The following CISTR variants were observed in gnomAD, a reference collection of about 807,000 sequenced individuals.
CISTR encodes the protein chondrogenesis-associated transcript, also known as chondrogenic regulator lncRNA.
At chr12:53,753,479 G>A (rs987064913) in intron 1 of CISTR, among the ~76,000 whole-genome samples, 14 of 152,210 alleles carry the variant, frequency 9.2e-5, no homozygotes, top group Non-Finnish European at 2.1e-4. Flanking sequence ...AAGGGTGGAG[G>A]AAGATCTGAA....
rs906354692 is a variant in CISTR, at chr12:53,751,545, A to T, written n.415-580T>A. On this transcript the variant is annotated intron_variant and non_coding_transcript_variant, in intron 1 of 2. Coordinates refer to ENST00000669269, the Ensembl canonical transcript of CISTR. The surrounding 1 kb of genome is among the most constrained non-coding windows in gnomAD (Gnocchi z 4.6). ...AAACAAGCTAAACGAGGCGCGCAGGACTCCCTGGTGGGCCCTCAGCCTCCT... is the reference window on the plus strand; with the variant it reads ...AAACAAGCTAAACGAGGCGCGCAGGTCTCCCTGGTGGGCCCTCAGCCTCCT... 5.9e-5 allele frequency among the ~76,000 whole-genome samples: 9 copies of T among 151,822 alleles called. No individual in the cohort carries two copies. The highest frequency in any genetic ancestry group is 8.8e-5 in the Non-Finnish European group (6 of 67,962).
chr12:53,747,482 G>A (rs563847092), intron 2 of CISTR, among the ~76,000 whole-genome samples: 1 of 152,240 alleles, frequency 6.6e-6, no homozygotes, highest in Admixed American at 6.5e-5. Flanking sequence ...AAGAGGAAGA[G>A]GAAGGGGCAG....
intron 1 of CISTR, among the ~76,000 whole-genome samples, chr12:53,753,978 G>A (rs114262702): frequency 2.6e-5 from 4 of 152,112 alleles, no homozygotes; most frequent in Admixed American, 6.5e-5. Flanking sequence ...CTCGTGGGGC[G>A]TGAAGATGAA....
intron 2 of CISTR, among the ~76,000 whole-genome samples, chr12:53,749,681 G>C (rs768953744): frequency 6.6e-6 from 1 of 152,092 alleles, no homozygotes; most frequent in Non-Finnish European, 1.5e-5. Flanking sequence ...ATTTCTCTTT[G>C]GGGATCACCT....
intron 2 of CISTR, among the ~76,000 whole-genome samples, chr12:53,748,077 G>C (rs1937802901): frequency 6.6e-6 from 1 of 152,224 alleles, no homozygotes; most frequent in Non-Finnish European, 1.5e-5. Context: ...GGAGGAACTG[G>C]GTTGGGGGCA....
chr12:53,748,301 C>A (rs949168738), intron 2 of CISTR, among the ~76,000 whole-genome samples: 3 of 152,198 alleles, frequency 2.0e-5, no homozygotes, highest in African/African-American at 4.8e-5. Context: ...GCGCCAGCGC[C>A]CCCCCAACTC....
chr12:53,752,858 C>A (rs1937871090), intron 1 of CISTR, among the ~76,000 whole-genome samples: 1 of 152,174 alleles, frequency 6.6e-6, no homozygotes, highest in Non-Finnish European at 1.5e-5. Flanking sequence ...AAATTAAAAC[C>A]TAAGGGACAC....
At position 53,756,384 on chromosome 12, in the gene CISTR, A is replaced by G. The variant is rs940308303; in HGVS notation, n.414+430T>C. On this transcript the variant is annotated intron_variant and non_coding_transcript_variant, in intron 1 of 2. Coordinates refer to ENST00000669269, the Ensembl canonical transcript of CISTR. The surrounding 1 kb of genome is among the most constrained non-coding windows in gnomAD (Gnocchi z 4.0). ...TTATTGTAATAATAGATGATACCAC[A>G]GGAAGGAACCTTGGAAATCAGTTGG... Among the ~76,000 whole-genome samples the G allele has an allele frequency of 3.9e-5, 6 of 152,240 alleles. No individual in the cohort carries two copies. The highest frequency in any genetic ancestry group is 1.4e-4 in the African/African-American group (6 of 41,470).
Position 53,756,726 on chromosome 12 carries a change from A to ATGTGTGTGTGTGTGTGTGTGTGTGTG in CISTR, n.414+87_414+88insCACACACACACACACACACACACACA, listed in dbSNP as rs35849779. The stretch of plus-strand genomic sequence containing the variant: ...AGTCAGAGTGGGCTGTGGGTCAGTG[A>ATGTGTGTGTGTGTGTGTGTGTGTGTG]TGTGTGTGTGTGTGTGTGTGTGTGT... On this transcript the variant is annotated intron_variant and non_coding_transcript_variant, in intron 1 of 2. Transcript: ENST00000669269. The surrounding 1 kb of genome is among the most constrained non-coding windows in gnomAD (Gnocchi z 4.0). The ATGTGTGTGTGTGTGTGTGTGTGTGTG allele has an allele frequency of 7.6e-6, 1 of 132,302 alleles. No individual in the cohort carries two copies. The highest frequency in any genetic ancestry group is 1.6e-5 in the Non-Finnish European group (1 of 63,646). 8.2% of individuals were successfully genotyped at this position (132,302 alleles called of 1,614,324 possible).
intron 2 of CISTR, among the ~76,000 whole-genome samples, chr12:53,749,216 A>G (rs1217228924): frequency 6.6e-6 from 1 of 152,068 alleles, no homozygotes; most frequent in Non-Finnish European, 1.5e-5. Flanking sequence ...TGATATTGAA[A>G]AAGGGAGTAG....
chr12:53,750,397 G>A (rs946983670), exon 2 of CISTR: 1 of 152,474 alleles, frequency 6.6e-6, no homozygotes, highest in Admixed American at 6.5e-5. Flanking sequence ...GCAACGAGCT[G>A]GATTCAGGAA....
At position 53,751,902 on chromosome 12, in the gene CISTR, C is replaced by T. The variant is rs1937857105; in HGVS notation, n.415-937G>A. 6.5e-6 allele frequency: 1 copy of T among 153,314 alleles called. No individual in the cohort carries two copies. Among genetic ancestry groups the T allele is most frequent in the Non-Finnish European group, 1.5e-5 (1 of 68,570 alleles). The allele number at this position is 153,314 out of a possible 1,614,324, so 9.5% of individuals were successfully genotyped here. ...CCGCTCCCTCTCTCCTTGCGGCTGA[C>T]TCCAGCTCCCCCTCGGTGCCCGTAA... On this transcript the variant is annotated intron_variant and non_coding_transcript_variant, in intron 1 of 2. Transcript: ENST00000669269. This position sits in a 1 kb window ranked among gnomAD's most constrained non-coding sequence, Gnocchi z 4.6.
Position 53,751,812 on chromosome 12 carries a change from C to G in CISTR, n.415-847G>C, listed in dbSNP as rs908016310. 2.6e-5 allele frequency: 4 copies of G among 152,612 alleles called. No homozygotes were observed. The highest frequency in any genetic ancestry group is 5.9e-5 in the Non-Finnish European group (4 of 68,190). 9.5% of individuals were successfully genotyped at this position (152,612 alleles called of 1,614,324 possible). On this transcript the variant is annotated intron_variant and non_coding_transcript_variant, in intron 1 of 2. Transcript: ENST00000669269. The surrounding 1 kb of genome is among the most constrained non-coding windows in gnomAD (Gnocchi z 4.6). ...CTTGAGATGACGCTCCCTCCCCACA[C>G]CAGAGCGGCCGGCTGGAGAGTCTAG...
intron 1 of CISTR, among the ~76,000 whole-genome samples, chr12:53,755,444 C>G (rs1359055005): frequency 6.6e-6 from 1 of 152,028 alleles, no homozygotes; most frequent in Non-Finnish European, 1.5e-5. Context: ...TTCTACATTT[C>G]TTTTGCTGAC....
At chr12:53,749,206 T>C (rs1488937129) in intron 2 of CISTR, among the ~76,000 whole-genome samples, 4 of 149,836 alleles carry the variant, frequency 2.7e-5, no homozygotes, top group Non-Finnish European at 4.4e-5. Flanking sequence ...GGAGAGAAAA[T>C]GATATTGAAA....
rs1453223567 is a variant in CISTR, at chr12:53,754,184, T to C, written n.414+2630A>G. Among the ~76,000 whole-genome samples, 9 of 152,334 alleles carry C rather than the reference T, an allele frequency of 5.9e-5. No homozygotes were observed. In the East Asian group the frequency reaches 1.3e-3, roughly 23 times the overall value. ...CTATCTCCTTTACTCACTCCTTTCA[T>C]GGATTGAATTATTCATTTTAAAGCT... On this transcript the variant is annotated intron_variant and non_coding_transcript_variant, in intron 1 of 2. Transcript: ENST00000669269.
rs1000983381 is a variant in CISTR at position 53,751,563 on chromosome 12, A to C, written n.415-598T>G. 1.3e-5 allele frequency among the ~76,000 whole-genome samples: 2 copies of C among 152,150 alleles called. No homozygotes were observed. Among genetic ancestry groups the C allele is most frequent in the African/African-American group, 4.8e-5 (2 of 41,444 alleles). ...GCGCAGGACTCCCTGGTGGGCCCTC[A>C]GCCTCCTCCGCGCGGCGCGGACTCA... On this transcript the variant is annotated intron_variant and non_coding_transcript_variant, in intron 1 of 2. Coordinates refer to ENST00000669269, the Ensembl canonical transcript of CISTR. The surrounding 1 kb of genome is among the most constrained non-coding windows in gnomAD (Gnocchi z 4.6).
chr12:53,746,818 C>T (rs550601357), exon 3 of CISTR, among the ~76,000 whole-genome samples: 180 of 152,290 alleles, frequency 1.2e-3, no homozygotes, highest in African/African-American at 4.1e-3. Context: ...GAGAAGATTC[C>T]GCTCCTCCGC....
intron 1 of CISTR, among the ~76,000 whole-genome samples, chr12:53,753,700 G>A (rs1937884151): frequency 1.6e-5 from 2 of 128,998 alleles, no homozygotes; most frequent in African/African-American, 2.8e-5. Context: ...GTGTGTGTGT[G>A]TGTATGTGTG....
Sources: allele counts gnomAD v4.1 joint callset (sites outside exome capture counted in the v4.1 genomes callset), GRCh38; gene constraint gnomAD v4.1.1; non-coding constraint Gnocchi (gnomAD v3.1); transcripts MANE v1.5; gene names NCBI Gene and HGNC (gene_info 2026-07-23, HGNC 2026-07-21).